Variants in ADAMTS9 observed in about 807,000 individuals in gnomAD.
The protein encoded by ADAMTS9 is ADAM metallopeptidase with thrombospondin type 1 motif 9, also known as A disintegrin and metalloproteinase with thrombospondin motifs 9.
ADAMTS9 carries 107 observed loss-of-function variants against 257.1 expected under a neutral mutation model. The ratio of observed to expected loss-of-function variants is 0.42; its 90% CI spans 0.36 to 0.49. ADAMTS9 has a LOEUF of 0.49. Among genes scored for constraint, ADAMTS9 ranks in the 20% least tolerant of loss-of-function variants. The probability of loss-of-function intolerance (pLI) is 0.03; values close to 1 mark genes in which losing one functional copy is unlikely to be tolerated. For synonymous variants in ADAMTS9, 982 were observed against 880.9 expected, an observed-to-expected ratio of 1.11 and a Z score of -2.03; for missense variants, 2,353 against 2,469.1, an observed-to-expected ratio of 0.95 and a Z score of 1.00.
At chr3:64,666,792 C>A (rs1439997471) in intron 3 of ADAMTS9, among the ~76,000 whole-genome samples, 1 of 152,114 alleles carries the variant, frequency 6.6e-6, no homozygotes, top group African/African-American at 2.4e-5. Context: ...TTGTAGCATG[C>A]AAAACATCTG....
intron 31 of ADAMTS9, 121 bp downstream of exon 31, chr3:64,550,771 G>T: frequency 8.0e-7 from 1 of 1,243,854 alleles, no homozygotes; most frequent in Non-Finnish European, 1.1e-6. Context: ...ACAGTTCACA[G>T]TGGCAAATCG....
intron 19 of ADAMTS9, among the ~76,000 whole-genome samples, chr3:64,618,253 A>G (rs1193103920): frequency 3.9e-5 from 6 of 152,146 alleles, no homozygotes; most frequent in Non-Finnish European, 7.3e-5. Context: ...CCTGGACATA[A>G]TCCCTTTACC....
chr3:64,536,698 A>C (rs1207849630), intron 37 of ADAMTS9, among the ~76,000 whole-genome samples: 1 of 152,194 alleles, frequency 6.6e-6, no homozygotes. Context: ...TTCATAGAAT[A>C]CTGTGGTGAT....
intron 11 of ADAMTS9, among the ~76,000 whole-genome samples, chr3:64,643,272 G>T (rs2106926400): frequency 6.6e-6 from 1 of 152,124 alleles, no homozygotes; most frequent in South Asian, 2.1e-4. Context: ...GGACGGCTTT[G>T]TCTAGAGTAC....
chr3:64,626,758 CGAT>C (rs1313389422), intron 16 of ADAMTS9, among the ~76,000 whole-genome samples: 4 of 152,276 alleles, frequency 2.6e-5, no homozygotes, highest in East Asian at 3.9e-4. Context: ...GGTGCTCAAT[CGAT>C]GATGCTGAAA....
intron 22 of ADAMTS9, among the ~76,000 whole-genome samples, chr3:64,611,538 G>C (rs1476217854): frequency 1.3e-5 from 2 of 151,454 alleles, no homozygotes; most frequent in East Asian, 1.9e-4. Flanking sequence ...GGGCACCCAG[G>C]ACCAGTTTCA....
intron 22 of ADAMTS9, among the ~76,000 whole-genome samples, chr3:64,608,333 G>A (rs1046019124): frequency 1.0e-4 from 15 of 145,352 alleles, no homozygotes; most frequent in African/African-American, 3.8e-4. Context: ...ATACAGAGTA[G>A]AAGAATAATA....
chr3:64,519,510 G>C (rs569615954), intron 39 of ADAMTS9, among the ~76,000 whole-genome samples: 1 of 152,182 alleles, frequency 6.6e-6, no homozygotes, highest in Admixed American at 6.5e-5. Context: ...GAAAACTACA[G>C]ACTAATATCC....
chr3:64,666,870 G>A (rs1701364131), intron 3 of ADAMTS9, among the ~76,000 whole-genome samples: 1 of 152,066 alleles, frequency 6.6e-6, no homozygotes, highest in African/African-American at 2.4e-5. Context: ...ATCTTTGATG[G>A]GGTGCAGTGG....
chr3:64,622,708 A>G (rs1384055204), intron 16 of ADAMTS9, 122 bp from the exon 17 acceptor site: 8 of 1,060,330 alleles, frequency 7.5e-6, no homozygotes, highest in Non-Finnish European at 9.5e-6. Context: ...TTTGAGGCAG[A>G]CAGGCATGGC....
In ADAMTS9 at chr3:64,640,462, C is replaced by T. The variant is rs888636544; in HGVS notation, c.1856+1386G>A. On this transcript the variant is annotated intron_variant, in intron 12 of 39. Coordinates refer to ENST00000498707, the MANE Select transcript of ADAMTS9 (RefSeq NM_182920.2). ...CTACAATACAACTATTGTATTACCC[C>T]AGCCTACTTAGTTCCTTTACTTCAC... Among the ~76,000 whole-genome samples the T allele has an allele frequency of 3.3e-5, 5 of 152,314 alleles. No individual in the cohort carries two copies. The South Asian group carries it at 6.2e-4, about 19-fold the overall frequency.
At chr3:64,631,989 T>A (rs952768656) in intron 14 of ADAMTS9, 64 bp from the exon 15 acceptor site, 6 of 1,254,800 alleles carry the variant, frequency 4.8e-6, no homozygotes, top group Admixed American at 2.0e-5. Flanking sequence ...TGGCAAATAA[T>A]GTGTTTCTTT....
intron 2 of ADAMTS9, among the ~76,000 whole-genome samples, chr3:64,683,910 G>T (rs575477254): frequency 6.6e-6 from 1 of 152,104 alleles, no homozygotes; most frequent in Admixed American, 6.5e-5. Flanking sequence ...GTCTATGAAG[G>T]GGGAGGGGGA....
chr3:64,595,739 C>G (rs546456028), intron 27 of ADAMTS9, among the ~76,000 whole-genome samples: 1 of 152,156 alleles, frequency 6.6e-6, no homozygotes, highest in Non-Finnish European at 1.5e-5. Flanking sequence ...AATGTGGACA[C>G]GTGATTTCAT....
intron 27 of ADAMTS9, among the ~76,000 whole-genome samples, chr3:64,596,176 T>C (rs971165638): frequency 6.6e-6 from 1 of 152,182 alleles, no homozygotes; most frequent in East Asian, 1.9e-4. Flanking sequence ...AGGATATAAA[T>C]ATTTGGCAAA....
chr3:64,591,149 C>T (rs2084251281), intron 28 of ADAMTS9, among the ~76,000 whole-genome samples: 1 of 152,048 alleles, frequency 6.6e-6, no homozygotes, highest in Non-Finnish European at 1.5e-5. Context: ...AGTTTAAGAA[C>T]CTTATTTCAG....
intron 14 of ADAMTS9, 99 bp downstream of exon 14, chr3:64,633,373 A>C: frequency 6.6e-7 from 1 of 1,518,142 alleles, no homozygotes; most frequent in Non-Finnish European, 8.9e-7. Context: ...CCCTGGCAAC[A>C]GTGCACAGAT....
chr3:64,613,243 G>C (rs985906651), intron 22 of ADAMTS9, 102 bp downstream of exon 22: 12 of 1,413,550 alleles, frequency 8.5e-6, no homozygotes, highest in Non-Finnish European at 1.2e-5. Flanking sequence ...CATGCCACCC[G>C]GCACAGCGGT....
intron 27 of ADAMTS9, among the ~76,000 whole-genome samples, chr3:64,594,901 C>G (rs2084335741): frequency 6.6e-6 from 1 of 152,100 alleles, no homozygotes; most frequent in African/African-American, 2.4e-5. Context: ...ATTCTCCTGT[C>G]TCAGCTTCCC....
Sources: gnomAD v4.1 joint callset for allele counts (sites outside exome capture counted in the v4.1 genomes callset) on GRCh38, gnomAD v4.1.1 for gene constraint, MANE v1.5 for transcripts, NCBI Gene and HGNC (gene_info 2026-07-23, HGNC 2026-07-21) for gene names.